Variants in AHNAK2 observed in about 807,000 individuals in gnomAD.
AHNAK2 encodes protein AHNAK2.
In AHNAK2, 18 loss-of-function variants were observed where a neutral mutation model predicts 30.7. The ratio of observed to expected loss-of-function variants is 0.59; its 90% CI spans 0.41 to 0.87. The LOEUF is 0.87. Among genes scored for constraint, AHNAK2 ranks in the 40% least tolerant of loss-of-function variants. The probability of loss-of-function intolerance (pLI) is 0.00; values close to 1 mark genes in which losing one functional copy is unlikely to be tolerated. For synonymous variants in AHNAK2, 3,590 were observed against 3,073.8 expected, an observed-to-expected ratio of 1.17 and a Z score of -5.56; for missense variants, 8,604 against 7,373.0, an observed-to-expected ratio of 1.17 and a Z score of -6.11.
At position 104,951,603 on chromosome 14, in the gene AHNAK2, G is replaced by A. The variant is rs546817149; in HGVS notation, c.3848C>T (p.Thr1283Met). 46 of 1,247,146 alleles carry A rather than the reference G, an allele frequency of 3.7e-5. 17 individuals carry two copies. The highest frequency in any genetic ancestry group is 8.5e-5 in the African/African-American group (6 of 70,808). The allele number at this position is 1,247,146 out of a possible 1,614,324, so 77.3% of individuals were successfully genotyped here. Residue 1283 changes from threonine (T) to methionine (M), a missense_variant, in exon 7 of 7, where the codon ACG becomes ATG. Thr to Met is a moderately conservative substitution (Grantham distance 81). Transcript: ENST00000333244. ...CAGAGACACAGCCACTTCGTGGGCCGTCACCTCTGCCTTATGACCTTTCAG... is the reference window on the plus strand; with the variant it reads ...CAGAGACACAGCCACTTCGTGGGCCATCACCTCTGCCTTATGACCTTTCAG... Reference protein sequence around the residue: ...LDLKGHKAEVTAHEVAVSLPS... With the variant: ...LDLKGHKAEVMAHEVAVSLPS...
rs753044800 is a variant in AHNAK2 at position 104,950,074 on chromosome 14, C to T, written c.5377G>A (p.Val1793Ile). Residue 1793 changes from valine (V) to isoleucine (I), a missense_variant, in exon 7 of 7, where the codon GTC (valine) becomes ATC (isoleucine). Transcript: ENST00000333244. ...TCCAGCTTGGCTCCTGGAGCCTCGACGTCCACCTCCACGCTGGGCAGAGAC... is the reference window on the plus strand; with the variant it reads ...TCCAGCTTGGCTCCTGGAGCCTCGATGTCCACCTCCACGCTGGGCAGAGAC... Reference protein sequence around the residue: ...EVSLPSVEVDVEAPGAKLDSV... With the variant: ...EVSLPSVEVDIEAPGAKLDSV... 5.3e-5 allele frequency: 84 copies of T among 1,586,986 alleles called. 10 individuals are homozygous for T. The highest frequency in any genetic ancestry group is 3.5e-4 in the African/African-American group (25 of 72,248).
In AHNAK2 at chr14:104,944,547, T is replaced by C; in HGVS notation, c.10904A>G (p.Asp3635Gly). 6.2e-7 allele frequency: 1 copy of C among 1,613,132 alleles called. No individual in the cohort carries two copies. Among genetic ancestry groups the C allele is most frequent in the Non-Finnish European group, 8.5e-7 (1 of 1,179,586 alleles). Residue 3635 changes from aspartate (D) to glycine (G), a missense_variant, in exon 7 of 7, where the codon GAC (aspartate) becomes GGC (glycine). Coordinates refer to ENST00000333244, the MANE Select transcript of AHNAK2 (RefSeq NM_138420.4). ...GAATTTGGGCATTTTGAACTTGCTGTCTTTGGCAGTCACGTCCTTGTCAGC... is the reference window on the plus strand; with the variant it reads ...GAATTTGGGCATTTTGAACTTGCTGCCTTTGGCAGTCACGTCCTTGTCAGC... The part of the protein sequence containing the change: ...SLADKDVTAK[D>G]SKFKMPKFKM...
rs1465884838 is a variant in AHNAK2 at position 104,941,989 on chromosome 14, C to A, written c.13462G>T (p.Val4488Leu). ...PGKSIEVSVD[V>L]SAPKMEADMS... is the part of the protein sequence containing the mutation. ...TCGGCCTCCATCTTTGGCGCAGACA[C>A]ATCCACCGAGACCTCGATGGACTTG... Residue 4488 changes from valine (V) to leucine (L), a missense_variant, in exon 7 of 7, where the codon GTG becomes TTG. Val to Leu is a conservative substitution (Grantham distance 32). Transcript: ENST00000333244. 6.2e-7 allele frequency: 1 copy of A among 1,613,416 alleles called. No individual in the cohort carries two copies. Among genetic ancestry groups the A allele is most frequent in the African/African-American group, 1.3e-5 (1 of 74,822 alleles).
At chr14:104,973,226 G>A (rs1363085302) in intron 1 of AHNAK2, among the ~76,000 whole-genome samples, 1 of 152,208 alleles carries the variant, frequency 6.6e-6, no homozygotes, top group Non-Finnish European at 1.5e-5. Context: ...GATGCGCACT[G>A]AACAGCTAGT....
chr14:104,946,374 A>C lies in AHNAK2; in HGVS notation c.9077T>G (p.Ile3026Ser). 6.2e-7 allele frequency: 1 copy of C among 1,611,732 alleles called. No homozygotes were observed. Among genetic ancestry groups the C allele is most frequent in the South Asian group, 1.1e-5 (1 of 90,936 alleles). The change falls in exon 7 of 7, where the codon ATC (isoleucine) becomes AGC (serine). Residue 3026 changes from isoleucine (I) to serine (S), a missense_variant. Transcript: ENST00000333244. ...TTGGGCAGAGGGGGGCTCAATGCTGATGTCAGTGGTCTTCAGGTCCCCCTG... is the reference window on the plus strand; with the variant it reads ...TTGGGCAGAGGGGGGCTCAATGCTGCTGTCAGTGGTCTTCAGGTCCCCCTG... The part of the protein sequence containing the change: ...SMQGDLKTTD[I>S]SIEPPSAQLE...
rs748432150 is a variant in AHNAK2 at position 104,948,446 on chromosome 14, C to G, written c.7005G>C (p.Lys2335Asn). ...MLSFGVSALG[K>N]SIEASADVSA... Reference sequence around the variant, plus strand: ...ACACATCCGCTGAGGCCTCGATGGACTTGCCAAGGGCAGACACCCCAAACG... The same window carrying G: ...ACACATCCGCTGAGGCCTCGATGGAGTTGCCAAGGGCAGACACCCCAAACG... Residue 2335 changes from lysine (K) to asparagine (N), a missense_variant, in exon 7 of 7, where the codon AAG becomes AAC. Coordinates refer to ENST00000333244, the MANE Select transcript of AHNAK2 (RefSeq NM_138420.4). 15 of 1,611,120 alleles carry G rather than the reference C, an allele frequency of 9.3e-6. No homozygotes were observed. Among genetic ancestry groups the G allele is most frequent in the Non-Finnish European group, 1.3e-5 (15 of 1,178,830 alleles).
chr14:104,960,187 A>G lies in AHNAK2; in HGVS notation c.56-2515T>C, dbSNP rs117183552. 2.1e-4 allele frequency among the ~76,000 whole-genome samples: 32 copies of G among 152,370 alleles called. No homozygotes were observed. In the East Asian group the frequency reaches 5.6e-3, roughly 27 times the overall value. ...TGTTAGGATTATAACATATATAGAT[A>G]CAGTATATACGTGACAATAATAGCA... On this transcript the variant is annotated intron_variant, in intron 1 of 6. Coordinates refer to ENST00000333244, the MANE Select transcript of AHNAK2 (RefSeq NM_138420.4).
rs563894923 is a variant in AHNAK2 at position 104,971,242 on chromosome 14, G to A, written c.55+6941C>T. On this transcript the variant is annotated intron_variant, in intron 1 of 6. Coordinates refer to ENST00000333244, the MANE Select transcript of AHNAK2 (RefSeq NM_138420.4). ...CCATCCTCCCGTGTCAGCCTCTCAA[G>A]TGGCTGGGGCTCCAGGTGACGCCAC... Among the ~76,000 whole-genome samples, 4 of 152,238 alleles carry A rather than the reference G, an allele frequency of 2.6e-5. No individual in the cohort carries two copies. The South Asian group carries it at 8.3e-4, about 32-fold the overall frequency.
Position 104,950,065 on chromosome 14 carries a change from G to T in AHNAK2, c.5386C>A (p.Pro1796Thr), listed in dbSNP as rs1248211017. ...CGCACACTGTCCAGCTTGGCTCCTG[G>T]AGCCTCGACGTCCACCTCCACGCTG... ...LPSVEVDVEA[P>T]GAKLDSVRLE... The change falls in exon 7 of 7, where the codon CCA becomes ACA. Residue 1796 changes from proline (P) to threonine (T), a missense_variant. Coordinates refer to ENST00000333244, the MANE Select transcript of AHNAK2 (RefSeq NM_138420.4). 1.9e-6 allele frequency: 3 copies of T among 1,586,588 alleles called. No homozygotes were observed. Among genetic ancestry groups the T allele is most frequent in the Non-Finnish European group, 2.6e-6 (3 of 1,163,002 alleles).
Position 104,952,128 on chromosome 14 carries a change from A to G in AHNAK2, c.3323T>C (p.Leu1108Pro), listed in dbSNP as rs1288598739. The change falls in exon 7 of 7, where the codon CTG becomes CCG. Residue 1108 changes from leucine (L) to proline (P), a missense_variant. Transcript: ENST00000333244. ...TTCCGCCTTGGGGCTTTTCAGGTCCAGCTTGGGGCCCTTGACGTCCACCTG... is the reference window on the plus strand; with the variant it reads ...TTCCGCCTTGGGGCTTTTCAGGTCCGGCTTGGGGCCCTTGACGTCCACCTG... The part of the protein sequence containing the change: ...GPQVDVKGPK[L>P]DLKSPKAEVT... 3 of 1,612,366 alleles carry G rather than the reference A, an allele frequency of 1.9e-6. No individual in the cohort carries two copies. Among genetic ancestry groups the G allele is most frequent in the Non-Finnish European group, 2.5e-6 (3 of 1,179,656 alleles).
At position 104,938,829 on chromosome 14, in the gene AHNAK2, T is replaced by A; in HGVS notation, c.16622A>T (p.His5541Leu). 1 of 1,613,658 alleles carries A rather than the reference T, an allele frequency of 6.2e-7. No individual in the cohort carries two copies. Among genetic ancestry groups the A allele is most frequent in the Non-Finnish European group, 8.5e-7 (1 of 1,179,846 alleles). ...TTCTGTGCCCTCCTGAGTCCTAGAG[T>A]GTTGAGTCATTGTTGTGTACACTCT... The part of the protein sequence containing the change: ...QARVYTTMTQ[H>L]SRTQEGTEEA... Residue 5541 changes from histidine (H) to leucine (L), a missense_variant, in exon 7 of 7, where the codon CAC becomes CTC. Physicochemically the swap from His to Leu is moderately conservative, Grantham distance 99 (BLOSUM62 -3). Coordinates refer to ENST00000333244, the MANE Select transcript of AHNAK2 (RefSeq NM_138420.4).
intron 1 of AHNAK2, among the ~76,000 whole-genome samples, chr14:104,974,503 C>T (rs1405452220): frequency 3.9e-5 from 6 of 152,246 alleles, no homozygotes; most frequent in African/African-American, 7.2e-5. Flanking sequence ...GCTTTGCCTC[C>T]GCTTCTTTTT....
In AHNAK2 at chr14:104,952,402, T is replaced by C. The variant is rs766802227; in HGVS notation, c.3049A>G (p.Ile1017Val). The C allele has an allele frequency of 6.2e-7, 1 of 1,612,494 alleles. No homozygotes were observed. The highest frequency in any genetic ancestry group is 8.5e-7 in the Non-Finnish European group (1 of 1,179,558). ...GCAGACACATCCACCAAGGCCTTGA[T>C]GGACTTCCCTGGGGCCGATACCCCG... Reference protein sequence around the residue: ...SFGVSAPGKSIKALVDVSAPK... With the variant: ...SFGVSAPGKSVKALVDVSAPK... Residue 1017 changes from isoleucine (I) to valine (V), a missense_variant, in exon 7 of 7, where the codon ATC becomes GTC. Coordinates refer to ENST00000333244, the MANE Select transcript of AHNAK2 (RefSeq NM_138420.4).
At chr14:104,970,986 G>T (rs1899457777) in intron 1 of AHNAK2, among the ~76,000 whole-genome samples, 1 of 152,130 alleles carries the variant, frequency 6.6e-6, no homozygotes, top group Non-Finnish European at 1.5e-5. Context: ...TTGGGGCCTG[G>T]TCATCTGCCA....
chr14:104,947,543 C>T lies in AHNAK2; in HGVS notation c.7908G>A (p.Leu2636=). The stretch of plus-strand genomic sequence containing the variant: ...CTTTGGCTGTCACACCCTTGTCGGC[C>T]AGGGACAGGTCCCCCTCCAGCCGCG... ...DGARLEGDLS[L]ADKGVTAKDS... is the part of the protein sequence containing the mutation. The change falls in exon 7 of 7, where the codon CTG becomes CTA. Residue 2636 remains leucine, a synonymous_variant. Coordinates refer to ENST00000333244, the MANE Select transcript of AHNAK2 (RefSeq NM_138420.4). 1 of 1,612,716 alleles carries T rather than the reference C, an allele frequency of 6.2e-7. No homozygotes were observed. The highest frequency in any genetic ancestry group is 2.2e-5 in the East Asian group (1 of 44,694).
Position 104,951,983 on chromosome 14 carries a change from C to A in AHNAK2, c.3468G>T (p.Val1156=). The A allele has an allele frequency of 1.9e-6, 3 of 1,612,408 alleles. No homozygotes were observed. Among genetic ancestry groups the A allele is most frequent in the Non-Finnish European group, 2.5e-6 (3 of 1,179,504 alleles). The change falls in exon 7 of 7, where the codon GTG becomes GTT. Residue 1156 remains valine (V), a synonymous_variant. Coordinates refer to ENST00000333244, the MANE Select transcript of AHNAK2 (RefSeq NM_138420.4). ...EGELSLADKD[V]TAKDSRFKMP... is the part of the protein sequence containing the mutation. ...TTTTGAACCTGCTGTCTTTGGCAGT[C>A]ACATCCTTGTCGGCCAGGGACAGTT...
At chr14:104,962,049 G>A (rs551545706) in intron 1 of AHNAK2, among the ~76,000 whole-genome samples, 2 of 152,304 alleles carry the variant, frequency 1.3e-5, no homozygotes, top group African/African-American at 4.8e-5. Context: ...ACTGAAAGGA[G>A]AAATAAATCC....
chr14:104,956,972 T>A (rs1898995680), intron 3 of AHNAK2, among the ~76,000 whole-genome samples: 1 of 152,218 alleles, frequency 6.6e-6, no homozygotes, highest in Non-Finnish European at 1.5e-5. Context: ...GAGTTTTGTA[T>A]GGAGGGAGAT....
rs780473419 is a variant in AHNAK2, at chr14:104,946,485, C to G, written c.8966G>C (p.Gly2989Ala). The change falls in exon 7 of 7, where the codon GGG (glycine) becomes GCG (alanine). Residue 2989 changes from glycine (G) to alanine (A), a missense_variant. Gly to Ala is a moderately conservative substitution (Grantham distance 60). Coordinates refer to ENST00000333244, the MANE Select transcript of AHNAK2 (RefSeq NM_138420.4). Reference protein sequence around the residue: ...KMPKFKMPSFGVSAPGKSIEV... With the variant: ...KMPKFKMPSFAVSAPGKSIEV... ...AATGGACTTGCCTGGGGCAGACACC[C>G]CGAACGACGGCATCTTGAACTTGGG... 5.0e-6 allele frequency: 8 copies of G among 1,612,582 alleles called. No individual in the cohort carries two copies. The South Asian group carries it at 8.8e-5, about 18-fold the overall frequency.
Sources: allele counts gnomAD v4.1 joint callset (sites outside exome capture counted in the v4.1 genomes callset), GRCh38; gene constraint gnomAD v4.1.1; transcripts MANE v1.5; gene names NCBI Gene and HGNC (gene_info 2026-07-23, HGNC 2026-07-21).